Variants in CPM observed in about 807,000 individuals in gnomAD.
CPM encodes carboxypeptidase M.
Under a neutral mutation model 46.4 loss-of-function variants are expected in CPM, and 35 were observed. The observed-to-expected ratio is 0.75, with a 90% CI of 0.58 to 1.00. The LOEUF is 1.00. Among genes scored for constraint, CPM ranks in the 50% least tolerant of loss-of-function variants. CPM has a pLI of 0.00. For synonymous variants in CPM, 195 were observed against 195.3 expected (o/e 1.00, Z 0.01); for missense variants, 422 against 530.4 (o/e 0.80, Z 2.01).
chr12:68,896,292 C>G (rs1298471384), intron 2 of CPM, among the ~76,000 whole-genome samples: 5 of 152,174 alleles, frequency 3.3e-5, no homozygotes, highest in Non-Finnish European at 5.9e-5. Context: ...CCCTACCACC[C>G]TAAGTTAGAT....
intron 7 of CPM, among the ~76,000 whole-genome samples, chr12:68,860,079 G>A (rs551013131): frequency 1.3e-5 from 2 of 152,288 alleles, no homozygotes; most frequent in South Asian, 2.1e-4. Flanking sequence ...AACGGTTAAA[G>A]TGAAAAATAA....
intron 1 of CPM, among the ~76,000 whole-genome samples, chr12:68,961,162 T>C (rs1889105337): frequency 6.6e-6 from 1 of 152,110 alleles, no homozygotes; most frequent in Non-Finnish European, 1.5e-5. Context: ...AAAAAAATTT[T>C]TTTTTGAGAC....
At chr12:68,951,057 T>C (rs916580844) in intron 1 of CPM, among the ~76,000 whole-genome samples, 11 of 152,218 alleles carry the variant, frequency 7.2e-5, no homozygotes, top group African/African-American at 2.4e-4. Context: ...GCTTCTCTGA[T>C]TGAATTTTGG....
intron 3 of CPM, among the ~76,000 whole-genome samples, chr12:68,878,462 G>A (rs1402833210): frequency 1.3e-5 from 2 of 152,120 alleles, no homozygotes; most frequent in Non-Finnish European, 2.9e-5. Flanking sequence ...GGATCTGCTG[G>A]CACCACCCAC....
intron 2 of CPM, chr12:68,913,818 T>G (rs1887697504): frequency 3.2e-6 from 2 of 627,812 alleles, no homozygotes; most frequent in Non-Finnish European, 6.1e-6. Flanking sequence ...TCAGCATTTG[T>G]TTTCCAGAGT....
intron 1 of CPM, among the ~76,000 whole-genome samples, chr12:68,947,654 AT>A (rs1045791224): frequency 2.7e-5 from 4 of 150,562 alleles, no homozygotes; most frequent in Admixed American, 1.3e-4. Flanking sequence ...ATTTATTATT[AT>A]TTTTTTTGAG....
intron 3 of CPM, among the ~76,000 whole-genome samples, chr12:68,884,763 G>C (rs1449416524): frequency 6.6e-6 from 1 of 152,076 alleles, no homozygotes; most frequent in Non-Finnish European, 1.5e-5. Flanking sequence ...AGTTGTCATG[G>C]TCTCAAAATA....
At chr12:68,951,027 A>T (rs1888925692) in intron 1 of CPM, among the ~76,000 whole-genome samples, 1 of 152,206 alleles carries the variant, frequency 6.6e-6, no homozygotes. Flanking sequence ...CCATTAGTCT[A>T]TATCACTCCT....
intron 1 of CPM, among the ~76,000 whole-genome samples, chr12:68,962,020 G>GA (rs1352444561): frequency 8.6e-5 from 13 of 151,918 alleles, no homozygotes; most frequent in Non-Finnish European, 1.6e-4. Flanking sequence ...CTAACGCGGT[G>GA]AAACCCTGTC....
At chr12:68,891,839 C>T (rs1285494892) in intron 2 of CPM, among the ~76,000 whole-genome samples, 5 of 152,048 alleles carry the variant, frequency 3.3e-5, no homozygotes, top group Non-Finnish European at 4.4e-5. Context: ...TGGGTTCAAA[C>T]GACTCTCATG....
At position 68,870,207 on chromosome 12, in the gene CPM, C is replaced by T. The variant is rs1196463519; in HGVS notation, c.616+8G>A. The T allele has an allele frequency of 6.2e-7, 1 of 1,610,872 alleles. No homozygotes were observed. The highest frequency in any genetic ancestry group is 1.1e-5 in the South Asian group (1 of 90,526). ...TAAGAAGCCAGAACTGGACCCGCAC[C>T]TGCTTACCTTGAACACCATTATCAA... On this transcript the variant is annotated splice_region_variant and intron_variant, in intron 5 of 8. Transcript: ENST00000551568.
chr12:68,944,376 GATATTATGAGAC>G (rs1888809684), intron 1 of CPM, among the ~76,000 whole-genome samples: 1 of 152,082 alleles, frequency 6.6e-6, no homozygotes, highest in Admixed American at 6.6e-5. Flanking sequence ...AAAATTACAG[GATATTATGAGAC>G]ATACTATCAG....
At chr12:68,866,762 A>G (rs1324207264) in intron 7 of CPM, 134 bp downstream of exon 7, 2 of 729,512 alleles carry the variant, frequency 2.7e-6, no homozygotes, top group Non-Finnish European at 4.6e-6. Flanking sequence ...GAGAATTCTT[A>G]ACCATCAGAT....
chr12:68,928,895 A>G (rs894700953), intron 2 of CPM, among the ~76,000 whole-genome samples: 1 of 147,776 alleles, frequency 6.8e-6, no homozygotes, highest in African/African-American at 2.5e-5. Flanking sequence ...ATGCACCATT[A>G]TGCCTGGTTA....
chr12:68,906,890 A>G (rs1887374950), intron 2 of CPM, among the ~76,000 whole-genome samples: 1 of 152,260 alleles, frequency 6.6e-6, no homozygotes, highest in Non-Finnish European at 1.5e-5. Flanking sequence ...AATGTAAATC[A>G]TTCATTATCA....
chr12:68,923,158 AGAGTGTGTGTGTGTGTGTGTGTGTGTGT>A (rs1888108114), intron 2 of CPM, among the ~76,000 whole-genome samples: 1 of 131,808 alleles, frequency 7.6e-6, no homozygotes, highest in African/African-American at 2.9e-5. Flanking sequence ...TATTTGATAT[AGAGTGTGTGTGTGTGTGTGTGTGTGTGT>A]GTGTGTGTGT....
chr12:68,925,105 T>C (rs1179874910), intron 2 of CPM, among the ~76,000 whole-genome samples: 2 of 152,228 alleles, frequency 1.3e-5, no homozygotes, highest in Non-Finnish European at 2.9e-5. Flanking sequence ...ACAATCATCT[T>C]TCAAAGCACT....
At chr12:68,844,632 C>T (rs1592610607) in intron 5 of CPM, 1 of 226,590 alleles carries the variant, frequency 4.4e-6, no homozygotes, top group Non-Finnish European at 8.8e-6. Context: ...TTGTGAGGCA[C>T]AAATGTAAGT....
chr12:68,842,677 A>G (rs999071862), intron 5 of CPM: 123 of 208,870 alleles, frequency 5.9e-4, no homozygotes, highest in Non-Finnish European at 9.5e-4. Context: ...ACATTCAAAA[A>G]TTTATGGCTA....
Sources: gnomAD v4.1 joint callset for allele counts (sites outside exome capture counted in the v4.1 genomes callset) on GRCh38, gnomAD v4.1.1 for gene constraint, MANE v1.5 for transcripts, NCBI Gene and HGNC (gene_info 2026-07-23, HGNC 2026-07-21) for gene names.